Variants in CHD9 observed in about 807,000 individuals in gnomAD.
CHD9 encodes chromodomain helicase DNA binding protein 9, also known as ATP-dependent chromatin remodeler CHD9.
Under a neutral mutation model 316.1 loss-of-function variants are expected in CHD9, and 77 were observed. The ratio of observed to expected loss-of-function variants is 0.24; its 90% CI spans 0.20 to 0.29. The LOEUF (loss-of-function observed/expected upper bound fraction) is 0.29, where lower values mean the gene tolerates loss of function less well. CHD9 is among the 10% of genes least tolerant of loss of function. The pLI is 1.00. For synonymous variants in CHD9, 1,129 were observed against 1,158.3 expected (o/e 0.97, Z 0.51); for missense variants, 2,763 against 3,438.1 (o/e 0.80, Z 4.91).
At chr16:53,152,340 G>GT (rs1051824323) in intron 1 of CHD9, among the ~76,000 whole-genome samples, 16 of 152,172 alleles carry the variant, frequency 1.1e-4, no homozygotes, top group Admixed American at 3.3e-4. Flanking sequence ...TTCTGATAAA[G>GT]TTGGTTCTGA....
chr16:53,268,126 G>A lies in CHD9; in HGVS notation c.4717G>A (p.Gly1573Ser). The change falls in exon 22 of 39, where the codon GGC becomes AGC. Residue 1573 changes from glycine (G) to serine (S), a missense_variant and splice_region_variant. By Grantham distance (56) the Gly-to-Ser change is moderately conservative. Transcript: ENST00000447540. ...GACACGAGAGCTACAGAATCATCTAGGTAAGAACATTGTTTCATTTGCTTT... is the reference window on the plus strand; with the variant it reads ...GACACGAGAGCTACAGAATCATCTAAGTAAGAACATTGTTTCATTTGCTTT... ...GQTRELQNHLGLSAPVPRGRK... is the reference protein window; with the variant it reads ...GQTRELQNHLSLSAPVPRGRK... The A allele has an allele frequency of 6.3e-7, 1 of 1,593,144 alleles. No homozygotes were observed. The highest frequency in any genetic ancestry group is 8.6e-7 in the Non-Finnish European group (1 of 1,168,026).
At chr16:53,198,315 ATTTTTTT>A (rs34946383) in intron 2 of CHD9, among the ~76,000 whole-genome samples, 44 of 125,238 alleles carry the variant, frequency 3.5e-4, no homozygotes, top group Non-Finnish European at 6.3e-4. Flanking sequence ...TAAGCATTCA[ATTTTTTT>A]TTTTTTTTTT....
At chr16:53,143,689 A>G (rs888985787) in intron 1 of CHD9, among the ~76,000 whole-genome samples, 1 of 152,168 alleles carries the variant, frequency 6.6e-6, no homozygotes, top group African/African-American at 2.4e-5. Context: ...GCCCGGCCTC[A>G]TAATGATTTT....
chr16:53,255,642 A>G lies in CHD9; in HGVS notation c.4072A>G (p.Arg1358Gly), dbSNP rs775497957. Residue 1358 changes from arginine (R) to glycine (G), a missense_variant, in exon 19 of 39, where the codon AGA (arginine) becomes GGA (glycine). By Grantham distance (125) the Arg-to-Gly change is moderately radical. Coordinates refer to ENST00000447540, the MANE Select transcript of CHD9 (RefSeq NM_001308319.2). ...SKKEIEDLLR[R>G]GAYGAIMEEE... Reference sequence around the variant, plus strand: ...AAAGGAAATAGAAGATCTGCTTCGAAGAGGTGCTTATGGTGCTATTATGGA... The same window carrying G: ...AAAGGAAATAGAAGATCTGCTTCGAGGAGGTGCTTATGGTGCTATTATGGA... The G allele has an allele frequency of 6.2e-7, 1 of 1,613,808 alleles. No individual in the cohort carries two copies. The highest frequency in any genetic ancestry group is 2.2e-5 in the East Asian group (1 of 44,858).
In CHD9 at chr16:53,267,957, T is replaced by C. The variant is rs1567591136; in HGVS notation, c.4548T>C (p.His1516=). 1 of 1,613,642 alleles carries C rather than the reference T, an allele frequency of 6.2e-7. No homozygotes were observed. The highest frequency in any genetic ancestry group is 2.2e-5 in the East Asian group (1 of 44,862). The change falls in exon 22 of 39, where the codon CAT becomes CAC. Residue 1516 remains histidine, a synonymous_variant. Coordinates refer to ENST00000447540, the MANE Select transcript of CHD9 (RefSeq NM_001308319.2). ...GWGRWREILS[H]GRFKRQLNEH... Reference sequence around the variant, plus strand: ...GCCGATGGAGAGAGATTCTATCTCATGGCCGTTTCAAAAGGCAGCTAAATG... The same window carrying C: ...GCCGATGGAGAGAGATTCTATCTCACGGCCGTTTCAAAAGGCAGCTAAATG...
intron 1 of CHD9, among the ~76,000 whole-genome samples, chr16:53,070,410 TAC>T (rs2033904021): frequency 6.6e-6 from 1 of 152,196 alleles, no homozygotes; most frequent in Admixed American, 6.5e-5. Context: ...CATTTTGAGT[TAC>T]TTTTTGTATG....
chr16:53,171,592 A>G (rs1210425057), intron 2 of CHD9, among the ~76,000 whole-genome samples: 2 of 151,882 alleles, frequency 1.3e-5, no homozygotes, highest in Middle Eastern at 6.3e-3. Flanking sequence ...GCTCATGTTT[A>G]TAATACTAAC....
At chr16:53,283,437 G>C (rs1213984176) in intron 24 of CHD9, among the ~76,000 whole-genome samples, 4 of 152,190 alleles carry the variant, frequency 2.6e-5, no homozygotes, top group Non-Finnish European at 4.4e-5. Flanking sequence ...TTTGAAACAT[G>C]AGTTTTGTAT....
In CHD9 at chr16:53,304,634, C is replaced by A; in HGVS notation, c.6619+9C>A. ...AGAAGCCCAAAAACGAGGTACTATG[C>A]ATAAAATAATTCTACTTTTTTAACA... On this transcript the variant is annotated intron_variant, in intron 31 of 38. Coordinates refer to ENST00000447540, the MANE Select transcript of CHD9 (RefSeq NM_001308319.2). The A allele has an allele frequency of 6.7e-7, 1 of 1,499,912 alleles. No individual in the cohort carries two copies. The highest frequency in any genetic ancestry group is 8.9e-7 in the Non-Finnish European group (1 of 1,126,300). The allele number at this position is 1,499,912 out of a possible 1,614,324, so 92.9% of individuals were successfully genotyped here. A position where few individuals can be genotyped will look rare whatever the true frequency, so the allele number is the denominator to read the frequency against.
intron 2 of CHD9, among the ~76,000 whole-genome samples, chr16:53,209,046 T>G (rs55904969): frequency 0.011 from 1,653 of 152,258 alleles, 24 homozygotes; most frequent in African/African-American, 0.026. Flanking sequence ...GAGGTTTTAT[T>G]TTTCTAAAAG....
At chr16:53,259,846 G>A (rs927167346) in intron 19 of CHD9, among the ~76,000 whole-genome samples, 1 of 152,020 alleles carries the variant, frequency 6.6e-6, no homozygotes, top group Non-Finnish European at 1.5e-5. Flanking sequence ...TCCAGTTCAC[G>A]TAAGGCAAAT....
chr16:53,082,122 G>A (rs2035072622), intron 1 of CHD9, among the ~76,000 whole-genome samples: 1 of 152,270 alleles, frequency 6.6e-6, no homozygotes, highest in Admixed American at 6.5e-5. Context: ...CATATCAGGA[G>A]GAAGGACTAT....
chr16:53,212,155 A>G (rs1344305492), intron 3 of CHD9, among the ~76,000 whole-genome samples: 1 of 152,186 alleles, frequency 6.6e-6, no homozygotes, highest in African/African-American at 2.4e-5. Context: ...TAATCCCAGC[A>G]CTTTGGGAGG....
rs568421736 is a variant in CHD9, at chr16:53,206,244, C to T, written c.1453-3238C>T. On this transcript the variant is annotated intron_variant, in intron 2 of 38. Coordinates refer to ENST00000447540, the MANE Select transcript of CHD9 (RefSeq NM_001308319.2). ...CTGGGATTATAGGCATGAGCCACCA[C>T]ACCTGGCCTTCTTTTACCTTTTCTT... Among the ~76,000 whole-genome samples the T allele has an allele frequency of 1.4e-4, 22 of 152,172 alleles. No individual in the cohort carries two copies. The South Asian group carries it at 4.4e-3, about 30-fold the overall frequency.
rs1036166843 is a variant in CHD9 at position 53,327,350 on chromosome 16, G to A, written c.*2455G>A. On this transcript the variant is annotated 3_prime_UTR_variant, in exon 39 of 39. Transcript: ENST00000447540. Reference sequence around the variant, plus strand: ...TTTTGGACATTTGCAATATTTACCAGTTGTGTTTTGTGTAGTCTGAATTTG... The same window carrying A: ...TTTTGGACATTTGCAATATTTACCAATTGTGTTTTGTGTAGTCTGAATTTG... The A allele has an allele frequency of 1.3e-5, 2 of 152,498 alleles. No individual in the cohort carries two copies. The highest frequency in any genetic ancestry group is 2.9e-5 in the Non-Finnish European group (2 of 67,962). 9.4% of individuals were successfully genotyped at this position (152,498 alleles called of 1,614,324 possible).
intron 10 of CHD9, among the ~76,000 whole-genome samples, chr16:53,234,807 C>A (rs1172665403): frequency 1.5e-5 from 2 of 136,190 alleles, no homozygotes; most frequent in African/African-American, 5.5e-5. Context: ...ACCTTCCATT[C>A]CTGGTTAAAA....
At chr16:53,270,050 G>A (rs2052085797) in intron 22 of CHD9, among the ~76,000 whole-genome samples, 1 of 152,002 alleles carries the variant, frequency 6.6e-6, no homozygotes, top group African/African-American at 2.4e-5. Flanking sequence ...TGTTGCCCAA[G>A]CTAGAGTGTT....
chr16:53,178,362 G>C (rs1381909746), intron 2 of CHD9, among the ~76,000 whole-genome samples: 1 of 151,550 alleles, frequency 6.6e-6, no homozygotes, highest in Non-Finnish European at 1.5e-5. Flanking sequence ...TCTACTTTGG[G>C]CTCCATATCT....
chr16:53,106,548 C>T (rs1267474585), intron 1 of CHD9, among the ~76,000 whole-genome samples: 2 of 152,082 alleles, frequency 1.3e-5, no homozygotes, highest in Non-Finnish European at 2.9e-5. Flanking sequence ...CAGGTATTTA[C>T]TAGGACACAT....
Sources: gnomAD v4.1 joint callset for allele counts (sites outside exome capture counted in the v4.1 genomes callset) on GRCh38, gnomAD v4.1.1 for gene constraint, MANE v1.5 for transcripts, NCBI Gene and HGNC (gene_info 2026-07-23, HGNC 2026-07-21) for gene names.